LRRC37A2: variants seen among roughly 807,000 people sequenced by gnomAD.
LRRC37A2 encodes the protein leucine-rich repeat-containing protein 37A2.
In LRRC37A2, 9 loss-of-function variants were observed where a neutral mutation model predicts 68.8. The ratio of observed to expected loss-of-function variants is 0.13; its 90% CI spans 0.08 to 0.23. LRRC37A2 has a LOEUF of 0.23. LRRC37A2 is among the 10% of genes least tolerant of loss of function. The pLI, the probability that LRRC37A2 is intolerant of heterozygous loss-of-function variation, is 1.00. For missense variants in LRRC37A2, 168 were observed against 950.4 expected (o/e 0.18, Z 10.82); for synonymous variants, 63 against 367.6 (o/e 0.17, Z 9.48).
chr17:46,797,536 T>A, the LRRC37A2 span, among the ~76,000 whole-genome samples: 2 of 152,114 alleles, frequency 1.3e-5, no homozygotes, highest in Non-Finnish European at 2.9e-5. Flanking sequence ...GGAAAAACAA[T>A]CTCAAAGATG....
At chr17:46,873,124 A>G in the LRRC37A2 span, among the ~76,000 whole-genome samples, 1 of 141,752 alleles carries the variant, frequency 7.1e-6, no homozygotes, top group Admixed American at 7.0e-5. Context: ...ACACACACAC[A>G]CACACACACG....
the LRRC37A2 span, among the ~76,000 whole-genome samples, chr17:46,934,487 A>G: frequency 6.6e-6 from 1 of 151,966 alleles, no homozygotes; most frequent in East Asian, 1.9e-4. Context: ...GCGCCACTGC[A>G]CTCCACCCTG....
chr17:46,726,517 G>A, the LRRC37A2 span: 20 of 1,600,528 alleles, frequency 1.2e-5, no homozygotes, highest in Non-Finnish European at 1.5e-5. Flanking sequence ...GTGGAGGACA[G>A]TGAGATAATA....
the LRRC37A2 span, among the ~76,000 whole-genome samples, chr17:47,020,961 T>A: frequency 1.3e-5 from 2 of 151,694 alleles, no homozygotes; most frequent in African/African-American, 4.8e-5. Flanking sequence ...ACTTGGGTCT[T>A]AAAGAGTAGC....
the LRRC37A2 span, among the ~76,000 whole-genome samples, chr17:46,902,325 C>A: frequency 6.6e-6 from 1 of 152,158 alleles, no homozygotes; most frequent in Non-Finnish European, 1.5e-5. Flanking sequence ...GCTCATAGAT[C>A]CCTACTTGTG....
chr17:46,946,548 C>T, the LRRC37A2 span, among the ~76,000 whole-genome samples: 7 of 151,902 alleles, frequency 4.6e-5, no homozygotes, highest in South Asian at 4.2e-4. Context: ...GTATTGCAGC[C>T]CTTAAACAGA....
At chr17:46,742,389 A>C in the LRRC37A2 span, among the ~76,000 whole-genome samples, 1 of 152,354 alleles carries the variant, frequency 6.6e-6, no homozygotes, top group East Asian at 1.9e-4. Context: ...TCATTCATTC[A>C]GTGCATATTT....
At chr17:46,392,427 T>TTCTC in the LRRC37A2 span, among the ~76,000 whole-genome samples, 3 of 51,628 alleles carry the variant, frequency 5.8e-5, 1 homozygote, top group Admixed American at 1.7e-4. Flanking sequence ...CTCTCTTTCT[T>TTCTC]TCTCTCTTTC....
the LRRC37A2 span, chr17:46,932,112 G>T: frequency 6.2e-7 from 1 of 1,613,702 alleles, no homozygotes; most frequent in Non-Finnish European, 8.5e-7. Context: ...TGCAGACTGC[G>T]CTCAGAAACT....
the LRRC37A2 span, among the ~76,000 whole-genome samples, chr17:47,006,436 A>T: frequency 2.0e-5 from 3 of 151,608 alleles, no homozygotes; most frequent in Non-Finnish European, 4.4e-5. Flanking sequence ...ACATGACAAA[A>T]CCCCGTCTCC....
chr17:46,745,328 T>A, the LRRC37A2 span, among the ~76,000 whole-genome samples: 2 of 152,224 alleles, frequency 1.3e-5, no homozygotes, highest in Non-Finnish European at 2.9e-5. Context: ...TTTGGTAATG[T>A]TTTTCAATGT....
chr17:46,928,059 A>G, the LRRC37A2 span, among the ~76,000 whole-genome samples: 19 of 151,914 alleles, frequency 1.3e-4, no homozygotes, highest in African/African-American at 4.6e-4. Flanking sequence ...GCATTCCTAC[A>G]TCAGCCCCCA....
chr17:46,850,894 A>G, the LRRC37A2 span, among the ~76,000 whole-genome samples: 1 of 152,058 alleles, frequency 6.6e-6, no homozygotes, highest in South Asian at 2.1e-4. Context: ...GCGCTGGGGA[A>G]CATCAGCAGC....
At chr17:46,474,352 G>GT in the LRRC37A2 span, among the ~76,000 whole-genome samples, 9 of 79,408 alleles carry the variant, frequency 1.1e-4, no homozygotes, top group African/African-American at 4.3e-4. Context: ...ACCCGGCCGT[G>GT]TTTTTTGTTT....
At chr17:46,839,683 G>A in the LRRC37A2 span, among the ~76,000 whole-genome samples, 9 of 151,692 alleles carry the variant, frequency 5.9e-5, no homozygotes, top group African/African-American at 1.9e-4. Context: ...CCCTCCCCCA[G>A]TCCCCCCCGC....
At chr17:46,874,411 G>A in the LRRC37A2 span, among the ~76,000 whole-genome samples, 44,927 of 152,042 alleles carry the variant, frequency 0.3, 6,770 homozygotes, top group Admixed American at 0.34. Flanking sequence ...CAAAATGGCA[G>A]GTTTAGCCCC....
At chr17:46,779,646 A>G in the LRRC37A2 span, among the ~76,000 whole-genome samples, 1 of 152,198 alleles carries the variant, frequency 6.6e-6, no homozygotes, top group Non-Finnish European at 1.5e-5. Context: ...AACCTTGTGC[A>G]TGGCCTTATC....
the LRRC37A2 span, among the ~76,000 whole-genome samples, chr17:46,766,305 G>C: frequency 5.3e-5 from 8 of 152,092 alleles, no homozygotes; most frequent in Non-Finnish European, 1.0e-4. Context: ...CTACTCGGGA[G>C]GCTGAGGCAG....
the LRRC37A2 span, among the ~76,000 whole-genome samples, chr17:47,003,908 C>A: frequency 2.0e-5 from 3 of 152,142 alleles, no homozygotes; most frequent in Non-Finnish European, 4.4e-5. Flanking sequence ...GTGTGATATT[C>A]CCCTTCCTGT....
Sources: allele counts gnomAD v4.1 joint callset (sites outside exome capture counted in the v4.1 genomes callset), GRCh38; gene constraint gnomAD v4.1.1; transcripts MANE v1.5; gene names NCBI Gene and HGNC (gene_info 2026-07-23, HGNC 2026-07-21).